The following STMND1 variants were observed in gnomAD, a reference collection of about 807,000 sequenced individuals.
The protein encoded by STMND1 is stathmin domain-containing protein 1.
In STMND1, 17 loss-of-function variants were observed where a neutral mutation model predicts 23.0. The observed-to-expected ratio is 0.74, with a 90% CI of 0.51 to 1.11. The LOEUF (loss-of-function observed/expected upper bound fraction) is 1.11. STMND1 is among the 50% of genes least tolerant of loss of function. The pLI, the probability that STMND1 is intolerant of heterozygous loss-of-function variation, is 0.00. For synonymous variants in STMND1, 114 were observed against 119.9 expected (o/e 0.95, Z 0.32); for missense variants, 305 against 329.1 (o/e 0.93, Z 0.57).
chr6:17,102,298 G>T lies in STMND1; in HGVS notation c.41G>T (p.Arg14Leu), dbSNP rs1429898403. The T allele has an allele frequency of 1.3e-6, 2 of 1,536,080 alleles. No homozygotes were observed. The highest frequency in any genetic ancestry group is 8.7e-7 in the Non-Finnish European group (1 of 1,146,878). The change falls in exon 1 of 5, where the codon CGT (arginine) becomes CTT (leucine). Residue 14 changes from arginine (R) to leucine (L), a missense_variant. By Grantham distance (102) the Arg-to-Leu change is moderately radical. Transcript: ENST00000536551. The stretch of plus-strand genomic sequence containing the variant: ...TCCCAACCTGCTGAAGACCGGAGAC[G>T]TGTACGCGCGCCCAAGAAGGGCTGG... ...GPSQPAEDRR[R>L]VRAPKKGWKE...
intron 1 of STMND1, among the ~76,000 whole-genome samples, chr6:17,111,675 T>A (rs1485016493): frequency 6.6e-6 from 1 of 152,226 alleles, no homozygotes; most frequent in Non-Finnish European, 1.5e-5. Flanking sequence ...GTAATTCTTT[T>A]TATTATTTTT....
intron 4 of STMND1, 130 bp from the exon 5 acceptor site, chr6:17,130,464 C>G: frequency 1.3e-6 from 1 of 774,914 alleles, no homozygotes; most frequent in Non-Finnish European, 2.0e-6. Context: ...ACAAGAGTTT[C>G]TCAACAAATG....
At chr6:17,105,691 C>A (rs1313387378) in intron 1 of STMND1, among the ~76,000 whole-genome samples, 1 of 150,822 alleles carries the variant, frequency 6.6e-6, no homozygotes, top group Non-Finnish European at 1.5e-5. Context: ...CTTTGGGAGG[C>A]TGAGGCGGGC....
intron 1 of STMND1, among the ~76,000 whole-genome samples, chr6:17,106,754 A>G (rs1283463244): frequency 1.3e-5 from 2 of 152,238 alleles, no homozygotes; most frequent in Non-Finnish European, 1.5e-5. Context: ...TGCATGAAAT[A>G]TTTATGTTTC....
At position 17,120,756 on chromosome 6, in the gene STMND1, A is replaced by G; in HGVS notation, c.409A>G (p.Thr137Ala). The change falls in exon 3 of 5, where the codon ACG becomes GCG. Residue 137 changes from threonine (T) to alanine (A), a missense_variant and splice_region_variant. Transcript: ENST00000536551. The stretch of plus-strand genomic sequence containing the variant: ...TAGAAATGGAGAATCATATGATGTC[A>G]CGGCAAGTAATTTTGTAATTAACAT... ...VFRNGESYDVTLTTTEKPLRK... is the reference protein window; with the variant it reads ...VFRNGESYDVALTTTEKPLRK... 2 of 1,521,636 alleles carry G rather than the reference A, an allele frequency of 1.3e-6. No individual in the cohort carries two copies. Among genetic ancestry groups the G allele is most frequent in the Non-Finnish European group, 8.8e-7 (1 of 1,141,802 alleles). 94.3% of individuals were successfully genotyped at this position (1,521,636 alleles called of 1,614,324 possible).
intron 1 of STMND1, among the ~76,000 whole-genome samples, chr6:17,106,207 A>C (rs569359427): frequency 6.6e-6 from 1 of 152,286 alleles, no homozygotes; most frequent in East Asian, 1.9e-4. Context: ...GAAGCTCTTC[A>C]TGACCTCCCA....
At chr6:17,111,099 C>G (rs1274876441) in intron 1 of STMND1, among the ~76,000 whole-genome samples, 1 of 152,172 alleles carries the variant, frequency 6.6e-6, no homozygotes, top group Non-Finnish European at 1.5e-5. Context: ...GTGAAAAACT[C>G]ATTACATTGT....
In STMND1 at chr6:17,130,575, C is replaced by A. The variant is rs986360472; in HGVS notation, c.544-19C>A. The stretch of plus-strand genomic sequence containing the variant: ...AAAGTTATTCACGCTCTTTTTCATT[C>A]TTTAATACTGCATTTCAGACTAAAG... On this transcript the variant is annotated intron_variant, in intron 4 of 4. Coordinates refer to ENST00000536551, the MANE Select transcript of STMND1 (RefSeq NM_001190766.2). The A allele has an allele frequency of 1.3e-5, 19 of 1,481,966 alleles. No individual in the cohort carries two copies. Among genetic ancestry groups the A allele is most frequent in the Admixed American group, 4.8e-5 (2 of 41,750 alleles). The allele number at this position is 1,481,966 out of a possible 1,614,324, so 91.8% of individuals were successfully genotyped here.
Position 17,129,231 on chromosome 6 carries a change from G to A in STMND1, c.531G>A (p.Glu177=). The A allele has an allele frequency of 6.5e-7, 1 of 1,535,954 alleles. No individual in the cohort carries two copies. Among genetic ancestry groups the A allele is most frequent in the Non-Finnish European group, 8.7e-7 (1 of 1,146,816 alleles). The change falls in exon 4 of 5, where the codon GAG becomes GAA. Residue 177 remains glutamate, a synonymous_variant. Coordinates refer to ENST00000536551, the MANE Select transcript of STMND1 (RefSeq NM_001190766.2). ...TCGAGGAGAAGATGGAGGCTGCCGA[G>A]GAGCGCAGGAAGGTAGTGAGCTCTC... ...KDIEEKMEAA[E]ERRKTKEEEI...
chr6:17,112,088 T>C (rs1020476333), intron 1 of STMND1, among the ~76,000 whole-genome samples: 3 of 152,208 alleles, frequency 2.0e-5, no homozygotes, highest in Admixed American at 1.3e-4. Flanking sequence ...ATTACCACAA[T>C]GTAATTTTAG....
Position 17,129,092 on chromosome 6 carries a change from A to G in STMND1, c.412-20A>G. On this transcript the variant is annotated intron_variant, in intron 3 of 4. Transcript: ENST00000536551. ...AGTGAATATGATTGTTTCTTCATGT[A>G]AAAAGATGTTTTATTCCAGTTGACT... 1 of 1,533,284 alleles carries G rather than the reference A, an allele frequency of 6.5e-7. No individual in the cohort carries two copies. Among genetic ancestry groups the G allele is most frequent in the Non-Finnish European group, 8.7e-7 (1 of 1,145,314 alleles). 95.0% of individuals were successfully genotyped at this position (1,533,284 alleles called of 1,614,324 possible). A position where few individuals can be genotyped will look rare whatever the true frequency, so the allele number is the denominator to read the frequency against.
intron 1 of STMND1, among the ~76,000 whole-genome samples, chr6:17,103,566 C>CTTTTTTTTTTTTTTTTT (rs68161737): frequency 1.2e-5 from 1 of 82,102 alleles, no homozygotes; most frequent in Non-Finnish European, 2.2e-5. Flanking sequence ...GACCCATTAC[C>CTTTTTTTTTTTTTTTTT]TTTTTTTTTT....
chr6:17,114,852 A>G, intron 1 of STMND1, 110 bp from the exon 2 acceptor site: 1 of 1,183,982 alleles, frequency 8.4e-7, no homozygotes, highest in Non-Finnish European at 1.1e-6. Context: ...TGGTTACTAT[A>G]CAGCCCACCA....
intron 3 of STMND1, among the ~76,000 whole-genome samples, chr6:17,125,669 G>T (rs780459773): frequency 3.3e-5 from 5 of 152,088 alleles, no homozygotes; most frequent in African/African-American, 1.2e-4. Flanking sequence ...GCTAATGATC[G>T]GAGTGACCTT....
intron 4 of STMND1, 86 bp downstream of exon 4, chr6:17,129,329 T>G: frequency 6.2e-6 from 8 of 1,283,286 alleles, no homozygotes; most frequent in Non-Finnish European, 8.4e-6. Flanking sequence ...TCAGCAGTTT[T>G]AAGACAAACT....
At chr6:17,105,527 C>A (rs1029713602) in intron 1 of STMND1, among the ~76,000 whole-genome samples, 8 of 152,158 alleles carry the variant, frequency 5.3e-5, no homozygotes, top group African/African-American at 1.9e-4. Context: ...TGCCTGTAAT[C>A]CCACCTATTT....
chr6:17,110,839 G>A (rs771911400), intron 1 of STMND1: 1 of 455,956 alleles, frequency 2.2e-6, no homozygotes, highest in Non-Finnish European at 4.4e-6. Flanking sequence ...CGTGTTCTTT[G>A]TGTTCTTATC....
intron 1 of STMND1, among the ~76,000 whole-genome samples, chr6:17,110,211 G>T (rs1245773409): frequency 6.6e-6 from 1 of 152,176 alleles, no homozygotes; most frequent in African/African-American, 2.4e-5. Context: ...TCACAGTACA[G>T]CAAGGCTTTG....
At chr6:17,102,452 G>A in intron 1 of STMND1, 114 bp downstream of exon 1, 3 of 1,291,874 alleles carry the variant, frequency 2.3e-6, no homozygotes, top group South Asian at 1.4e-5. Flanking sequence ...AGGGTCGGTC[G>A]AGGCTAGTTA....
Sources: gnomAD v4.1 joint callset for allele counts (sites outside exome capture counted in the v4.1 genomes callset) on GRCh38, gnomAD v4.1.1 for gene constraint, MANE v1.5 for transcripts, NCBI Gene and HGNC (gene_info 2026-07-23, HGNC 2026-07-21) for gene names.